FMNL3: variants seen among roughly 807,000 people sequenced by gnomAD.
The protein encoded by FMNL3 is formin like 3.
Under a neutral mutation model 119.6 loss-of-function variants are expected in FMNL3, and 57 were observed. The observed-to-expected ratio is 0.48, with a 90% confidence interval of 0.39 to 0.59. The LOEUF (loss-of-function observed/expected upper bound fraction) is 0.59. Ranked by LOEUF, FMNL3 falls within the 20% of genes least tolerant of loss-of-function variation. The pLI is 0.00. For synonymous variants in FMNL3, 491 were observed against 507.3 expected (o/e 0.97, Z 0.43); for missense variants, 1,053 against 1,323.5 (o/e 0.80, Z 3.17).
At chr12:49,698,201 C>T (rs1028252295) in intron 1 of FMNL3, among the ~76,000 whole-genome samples, 1 of 152,150 alleles carries the variant, frequency 6.6e-6, no homozygotes. Flanking sequence ...AAGTACGTAT[C>T]TTCCCTGTTG....
intron 1 of FMNL3, among the ~76,000 whole-genome samples, chr12:49,697,800 T>C (rs748241970): frequency 4.6e-5 from 7 of 151,986 alleles, no homozygotes; most frequent in Non-Finnish European, 8.8e-5. Context: ...CTCACACGTG[T>C]CATAAAGGAT....
rs74425229 is a variant in FMNL3, at chr12:49,644,786, C to T, written c.*1029G>A. The T allele has an allele frequency of 0.022, 3,503 of 156,740 alleles. 61 individuals are homozygous for T. The highest frequency in any genetic ancestry group is 0.034 in the Non-Finnish European group (2,393 of 70,396). The allele number at this position is 156,740 out of a possible 1,614,324, so 9.7% of individuals were successfully genotyped here. Reference sequence around the variant, plus strand: ...TTTGTGTGGCTAGAGCCCACCTAGCCGGTTCTCCTTTCCCCAGAGTTCTGA... The same window carrying T: ...TTTGTGTGGCTAGAGCCCACCTAGCTGGTTCTCCTTTCCCCAGAGTTCTGA... On this transcript the variant is annotated 3_prime_UTR_variant, in exon 26 of 26. Transcript: ENST00000335154.
At position 49,637,534 on chromosome 12, in the gene FMNL3, A is replaced by T. The variant is rs770270126; in HGVS notation, c.*8281T>A. 1 of 1,613,804 alleles carries T rather than the reference A, an allele frequency of 6.2e-7. No individual in the cohort carries two copies. Among genetic ancestry groups the T allele is most frequent in the South Asian group, 1.1e-5 (1 of 91,074 alleles). ...TCTATGTCCACCTGGATGGAGCTAT[A>T]TCCAGCAGTCAGCACTGATGTCCGC... On this transcript the variant is annotated 3_prime_UTR_variant, in exon 26 of 26. Coordinates refer to ENST00000335154, the MANE Select transcript of FMNL3 (RefSeq NM_175736.5).
Position 49,645,864 on chromosome 12 carries a change from C to G in FMNL3, c.3035G>C (p.Arg1012Thr). The G allele has an allele frequency of 3.7e-6, 6 of 1,611,300 alleles. No homozygotes were observed. The highest frequency in any genetic ancestry group is 1.7e-4 in the Middle Eastern group (1 of 6,036). The change falls in exon 26 of 26, where the codon AGG (arginine) becomes ACG (threonine). Residue 1012 changes from arginine (R) to threonine (T), a missense_variant. By Grantham distance (71) the Arg-to-Thr change is moderately conservative (BLOSUM62 -1). Coordinates refer to ENST00000335154, the MANE Select transcript of FMNL3 (RefSeq NM_175736.5). Reference protein sequence around the residue: ...CQPMVVRHQARSAAPPSGPPR... With the variant: ...CQPMVVRHQATSAAPPSGPPR... ...GGGACCACTGGGCGGTGCAGCACTCCTGGCTTGGTGGCGAACAACCATAGG... is the reference window on the plus strand; with the variant it reads ...GGGACCACTGGGCGGTGCAGCACTCGTGGCTTGGTGGCGAACAACCATAGG...
In FMNL3 at chr12:49,647,811, A is replaced by AAG; in HGVS notation, c.2677-9_2677-8dup. On this transcript the variant is annotated splice_region_variant and splice_polypyrimidine_tract_variant and intron_variant, in intron 22 of 25. Transcript: ENST00000335154. The surrounding 1 kb of genome is among the most constrained non-coding windows in gnomAD (Gnocchi z 4.9). ...CAACTGCATTGTAGGCCTCCTGGGG[A>AAG]AGGGGTGGGCAGAATGGGTCACCCT... The AAG allele has an allele frequency of 6.2e-7, 1 of 1,611,484 alleles. No homozygotes were observed. The highest frequency in any genetic ancestry group is 8.5e-7 in the Non-Finnish European group (1 of 1,177,688).
Position 49,637,831 on chromosome 12 carries a change from G to A in FMNL3, c.*7984C>T. 6.3e-7 allele frequency: 1 copy of A among 1,596,742 alleles called. No homozygotes were observed. The highest frequency in any genetic ancestry group is 1.3e-5 in the African/African-American group (1 of 74,678). Reference sequence around the variant, plus strand: ...CATTAAGGACATCCTTAAGGTGAGGGAGGCTGGGGTTATGGATGGATACAG... The same window carrying A: ...CATTAAGGACATCCTTAAGGTGAGGAAGGCTGGGGTTATGGATGGATACAG... On this transcript the variant is annotated 3_prime_UTR_variant, in exon 26 of 26. Coordinates refer to ENST00000335154, the MANE Select transcript of FMNL3 (RefSeq NM_175736.5).
At chr12:49,655,128 G>T in intron 9 of FMNL3, 144 bp from the exon 10 acceptor site, 2 of 712,166 alleles carry the variant, frequency 2.8e-6, no homozygotes, top group South Asian at 1.9e-5. Flanking sequence ...GGCCATTCTG[G>T]ACACTATAAA....
rs1320231807 is a variant in FMNL3, at chr12:49,693,635, GGTTTT to G, written c.126+13415_126+13419del. ...CCACCCGCCTCAGCCTCCCAATCTT[GGTTTT>G]TTTTTTTTTTTTTTTTTTTTTTTTT... On this transcript the variant is annotated intron_variant, in intron 1 of 25. Transcript: ENST00000335154. 7.5e-4 allele frequency among the ~76,000 whole-genome samples: 16 copies of G among 21,240 alleles called. 2 individuals carry two copies. Among genetic ancestry groups the G allele is most frequent in the South Asian group, 2.0e-3 (1 of 504 alleles). The allele number at this position is 21,240 out of a possible 152,430, so 13.9% of individuals were successfully genotyped here.
rs1456024638 is a variant in FMNL3, at chr12:49,637,143, C to T, written c.*8672G>A. On this transcript the variant is annotated 3_prime_UTR_variant, in exon 26 of 26. Transcript: ENST00000335154. ...TGTTTATTTCCCTTGGTGGGGCACC[C>T]GACAGGCAGAGTTTATTCCCTCAGC... 14 of 573,820 alleles carry T rather than the reference C, an allele frequency of 2.4e-5. No homozygotes were observed. In the East Asian group the frequency reaches 2.9e-4, roughly 12 times the overall value. 35.5% of individuals were successfully genotyped at this position (573,820 alleles called of 1,614,324 possible).
intron 4 of FMNL3, among the ~76,000 whole-genome samples, chr12:49,664,715 G>A (rs1943839004): frequency 6.6e-6 from 1 of 152,178 alleles, no homozygotes; most frequent in Admixed American, 6.5e-5. Flanking sequence ...CACAGTTACT[G>A]AGGCCAGGAA....
intron 1 of FMNL3, chr12:49,688,625 G>A (rs981220798): frequency 2.4e-6 from 1 of 418,512 alleles, no homozygotes; most frequent in African/African-American, 2.1e-5. Context: ...TGGTAAGTGG[G>A]TCTGCAAGAA....
chr12:49,669,903 T>C (rs367610786), intron 1 of FMNL3, among the ~76,000 whole-genome samples: 29 of 152,170 alleles, frequency 1.9e-4, no homozygotes, highest in African/African-American at 7.0e-4. Context: ...AAAGGCAGTC[T>C]GACACTTTAA....
At chr12:49,676,248 C>A (rs1039692643) in intron 1 of FMNL3, among the ~76,000 whole-genome samples, 2 of 152,182 alleles carry the variant, frequency 1.3e-5, no homozygotes, top group African/African-American at 2.4e-5. Context: ...GCTTCCCTTG[C>A]ATTTAGGTAT....
chr12:49,663,272 G>A (rs1020333141), intron 4 of FMNL3, among the ~76,000 whole-genome samples: 26 of 152,228 alleles, frequency 1.7e-4, no homozygotes, highest in African/African-American at 6.0e-4. Flanking sequence ...GTTAAAGGGT[G>A]CTTAGGCAAG....
chr12:49,685,065 G>A (rs1376789120), intron 1 of FMNL3, among the ~76,000 whole-genome samples: 5 of 152,162 alleles, frequency 3.3e-5, no homozygotes, highest in Non-Finnish European at 5.9e-5. Flanking sequence ...GTGATCTCAA[G>A]TCTACGAAAT....
chr12:49,690,126 CAG>C (rs1261062607), intron 1 of FMNL3, among the ~76,000 whole-genome samples: 1 of 152,230 alleles, frequency 6.6e-6, no homozygotes, highest in African/African-American at 2.4e-5. Flanking sequence ...AAATACAGCA[CAG>C]AGTCTCACAG....
chr12:49,706,055 T>TG (rs1468223243), intron 1 of FMNL3, among the ~76,000 whole-genome samples: 2 of 152,220 alleles, frequency 1.3e-5, no homozygotes, highest in Non-Finnish European at 2.9e-5. Flanking sequence ...GAAAACTCTT[T>TG]GGGGAAGTGA....
intron 1 of FMNL3, among the ~76,000 whole-genome samples, chr12:49,693,636 G>GTTTTTTTTTTTTTTTTTT (rs71080198): frequency 1.6e-5 from 1 of 63,362 alleles, no homozygotes; most frequent in African/African-American, 6.3e-5. Context: ...CCCAATCTTG[G>GTTTTTTTTTTTTTTTTTT]TTTTTTTTTT....
chr12:49,637,686 C>G lies in FMNL3; in HGVS notation c.*8129G>C. 2.0e-6 allele frequency: 3 copies of G among 1,505,036 alleles called. No individual in the cohort carries two copies. The highest frequency in any genetic ancestry group is 2.7e-6 in the Non-Finnish European group (3 of 1,096,908). The allele number at this position is 1,505,036 out of a possible 1,614,324, so 93.2% of individuals were successfully genotyped here. A position where few individuals can be genotyped will look rare whatever the true frequency, so the allele number is the denominator to read the frequency against. ...CCTGTCCTCGGCCCAGCCCCCAGGC[C>G]TTGGGAAGCTGCCGCCCGCCAGGCC... On this transcript the variant is annotated 3_prime_UTR_variant, in exon 26 of 26. Coordinates refer to ENST00000335154, the MANE Select transcript of FMNL3 (RefSeq NM_175736.5).
Sources: gnomAD v4.1 joint callset for allele counts (sites outside exome capture counted in the v4.1 genomes callset) on GRCh38, gnomAD v4.1.1 for gene constraint, Gnocchi (gnomAD v3.1) non-coding constraint, MANE v1.5 for transcripts, NCBI Gene and HGNC (gene_info 2026-07-23, HGNC 2026-07-21) for gene names.